Variants in BEND7 observed in about 807,000 individuals in gnomAD.
BEND7 encodes BEN domain containing 7, also known as BEN domain-containing protein 7.
In BEND7, 28 loss-of-function variants were observed where a neutral mutation model predicts 50.9. The ratio of observed to expected loss-of-function variants is 0.55; its 90% confidence interval spans 0.41 to 0.75. The LOEUF is 0.75. Ranked by LOEUF, BEND7 falls within the 30% of genes least tolerant of loss-of-function variation. BEND7 has a pLI of 0.00. For missense variants in BEND7, 477 were observed against 491.3 expected (o/e 0.97, Z 0.28); for synonymous variants, 170 against 183.9 (o/e 0.92, Z 0.61).
chr10:13,447,329 A>T lies in BEND7; in HGVS notation c.1184-13T>A. 1 of 1,614,020 alleles carries T rather than the reference A, an allele frequency of 6.2e-7. No individual in the cohort carries two copies. The highest frequency in any genetic ancestry group is 1.1e-5 in the South Asian group (1 of 91,078). On this transcript the variant is annotated splice_polypyrimidine_tract_variant and intron_variant, in intron 7 of 8. Coordinates refer to ENST00000466271, the MANE Select transcript of BEND7 (RefSeq NM_001369863.1). ...CTGTCCGCGATCTCTGCTGGTTACA[A>T]ACATAAGACACAAATCTCATTAGTT...
upstream of BEND7, among the ~76,000 whole-genome samples, chr10:13,529,175 C>G (rs2079582588): frequency 6.9e-6 from 1 of 144,668 alleles, no homozygotes; most frequent in South Asian, 2.1e-4. Context: ...CCCGAGGAGG[C>G]GCGGAGGCCG....
intron 2 of BEND7, 131 bp downstream of exon 2, chr10:13,526,007 A>G (rs1344931345): frequency 2.7e-6 from 1 of 371,204 alleles, no homozygotes; most frequent in Non-Finnish European, 4.9e-6. Flanking sequence ...TGTAAAATAA[A>G]AGGTCTTGAA....
upstream of BEND7, among the ~76,000 whole-genome samples, chr10:13,529,591 T>C (rs1308007542): frequency 2.0e-5 from 3 of 152,120 alleles, no homozygotes; most frequent in Non-Finnish European, 2.9e-5. Context: ...TTGGTGGCCC[T>C]GGGGACTCTC....
At position 13,500,214 on chromosome 10, in the gene BEND7, G is replaced by A. The variant is rs1226305086; in HGVS notation, c.146-134C>T. ...ATGACTGACTCTATGAACTTAATCT[G>A]TAAAACGCAAAGGCAGGAAAACTGA... On this transcript the variant is annotated intron_variant, in intron 2 of 8. Coordinates refer to ENST00000466271, the MANE Select transcript of BEND7 (RefSeq NM_001369863.1). 4 of 816,772 alleles carry A rather than the reference G, an allele frequency of 4.9e-6. No homozygotes were observed. The East Asian group carries it at 7.9e-5, about 16-fold the overall frequency. 50.6% of individuals were successfully genotyped at this position (816,772 alleles called of 1,614,324 possible).
intron 2 of BEND7, among the ~76,000 whole-genome samples, chr10:13,513,030 T>C (rs1280185416): frequency 1.3e-5 from 2 of 152,228 alleles, no homozygotes; most frequent in African/African-American, 4.8e-5. Context: ...CATACAGATA[T>C]GTATACCATG....
At chr10:13,470,644 A>G (rs568447245) in intron 6 of BEND7, among the ~76,000 whole-genome samples, 5 of 152,112 alleles carry the variant, frequency 3.3e-5, no homozygotes, top group Non-Finnish European at 7.3e-5. Context: ...AGGAGATGAG[A>G]TCCCTTTTTT....
chr10:13,488,653 A>C (rs1374385096), intron 5 of BEND7, among the ~76,000 whole-genome samples: 1 of 151,264 alleles, frequency 6.6e-6, no homozygotes, highest in Non-Finnish European at 1.5e-5. Context: ...GCGCCTAGCT[A>C]TTTTTTTTTA....
chr10:13,452,106 A>G (rs543302751), intron 7 of BEND7, among the ~76,000 whole-genome samples: 2 of 152,140 alleles, frequency 1.3e-5, no homozygotes, highest in South Asian at 2.1e-4. Context: ...CCCCACTTAA[A>G]ATCCCTTTTA....
intron 5 of BEND7, among the ~76,000 whole-genome samples, chr10:13,488,954 A>C (rs2076453057): frequency 6.6e-6 from 1 of 152,138 alleles, no homozygotes; most frequent in Non-Finnish European, 1.5e-5. Context: ...GTTCACGTGT[A>C]TTTTTTTACT....
chr10:13,504,160 T>C (rs1001901073), intron 2 of BEND7, among the ~76,000 whole-genome samples: 7 of 151,934 alleles, frequency 4.6e-5, no homozygotes, highest in Non-Finnish European at 7.4e-5. Flanking sequence ...CTGGGGACAG[T>C]GGGTGCTGGG....
chr10:13,493,117 G>A (rs1426949099), intron 4 of BEND7, among the ~76,000 whole-genome samples: 5 of 152,248 alleles, frequency 3.3e-5, no homozygotes, highest in African/African-American at 1.2e-4. Context: ...AATCGTGACA[G>A]CATACTGCTG....
intron 2 of BEND7, among the ~76,000 whole-genome samples, chr10:13,524,125 T>C (rs2079267218): frequency 6.6e-6 from 1 of 152,218 alleles, no homozygotes; most frequent in African/African-American, 2.4e-5. Context: ...TAGCATCCTG[T>C]TGCTCTTCAG....
intron 2 of BEND7, among the ~76,000 whole-genome samples, chr10:13,522,405 C>T (rs920509521): frequency 4.1e-4 from 63 of 152,180 alleles, no homozygotes; most frequent in Non-Finnish European, 1.2e-4. Context: ...GGGTTTACTC[C>T]GGCCTCTGCT....
At chr10:13,492,358 TAGTG>T (rs1161282787) in intron 5 of BEND7, among the ~76,000 whole-genome samples, 1 of 152,170 alleles carries the variant, frequency 6.6e-6, no homozygotes, top group African/African-American at 2.4e-5. Context: ...CAAAAGAAAT[TAGTG>T]AGCAGATTAT....
intron 8 of BEND7, 87 bp downstream of exon 8, chr10:13,447,179 T>C: frequency 7.1e-7 from 1 of 1,403,310 alleles, no homozygotes; most frequent in South Asian, 1.2e-5. Flanking sequence ...TGTCTGCATG[T>C]CTAATGTTAA....
At chr10:13,506,528 A>G (rs1035424172) in intron 2 of BEND7, among the ~76,000 whole-genome samples, 15 of 152,212 alleles carry the variant, frequency 9.9e-5, no homozygotes, top group Non-Finnish European at 1.8e-4. Flanking sequence ...TGCAGGGTGA[A>G]GGCAGAAGAA....
chr10:13,506,360 G>A (rs11597677), intron 2 of BEND7, among the ~76,000 whole-genome samples: 30,802 of 152,084 alleles, frequency 0.2, 3,225 homozygotes, highest in African/African-American at 0.24. Context: ...CCCGAAACAC[G>A]GCTCTTTTAA....
intron 6 of BEND7, among the ~76,000 whole-genome samples, chr10:13,452,865 C>T (rs545147536): frequency 8.5e-4 from 129 of 152,264 alleles, no homozygotes; most frequent in African/African-American, 3.0e-3. Flanking sequence ...TGCTTCAAAA[C>T]GAAACTGGCG....
chr10:13,491,783 T>C (rs2076681939), intron 5 of BEND7, among the ~76,000 whole-genome samples: 1 of 152,198 alleles, frequency 6.6e-6, no homozygotes, highest in Non-Finnish European at 1.5e-5. Context: ...TTAAAAGGTA[T>C]GGCCAACCTC....
Sources: allele counts gnomAD v4.1 joint callset (sites outside exome capture counted in the v4.1 genomes callset), GRCh38; gene constraint gnomAD v4.1.1; transcripts MANE v1.5; gene names NCBI Gene and HGNC (gene_info 2026-07-23, HGNC 2026-07-21).